Variants in AMTN observed in about 807,000 individuals in gnomAD.
AMTN encodes amelotin.
Under a neutral mutation model 27.4 loss-of-function variants are expected in AMTN, and 29 were observed. The observed-to-expected ratio is 1.06, with a 90% CI of 0.79 to 1.44. The LOEUF is 1.44. AMTN is among the 40% of genes most tolerant of loss of function. The probability of loss-of-function intolerance (pLI) is 0.00; values close to 1 mark genes in which losing one functional copy is unlikely to be tolerated. For missense variants in AMTN, 247 were observed against 248.8 expected, an observed-to-expected ratio of 0.99 and a Z score of 0.05; for synonymous variants, 86 against 95.7, an observed-to-expected ratio of 0.90 and a Z score of 0.59.
At chr4:70,524,440 T>A (rs1028035616) in intron 4 of AMTN, among the ~76,000 whole-genome samples, 1 of 152,186 alleles carries the variant, frequency 6.6e-6, no homozygotes, top group Non-Finnish European at 1.5e-5. Context: ...GTGGTCAAAT[T>A]TAAATATAGC....
At chr4:70,525,105 A>G (rs73826539) in intron 5 of AMTN, 144 bp downstream of exon 5, 11,998 of 691,994 alleles carry the variant, frequency 0.017, 811 homozygotes, top group African/African-American at 0.16. Context: ...ATAGACCAGT[A>G]TTTGACAATC....
rs1236826329 is a variant in AMTN at position 70,527,153 on chromosome 4, C to T, written c.295-1570C>T. Among the ~76,000 whole-genome samples the T allele has an allele frequency of 3.3e-5, 5 of 152,308 alleles. No individual in the cohort carries two copies. The East Asian group carries it at 9.6e-4, about 29-fold the overall frequency. On this transcript the variant is annotated intron_variant, in intron 5 of 8. Coordinates refer to ENST00000339336, the MANE Select transcript of AMTN (RefSeq NM_212557.4). ...AAAATGGGCATTAAAGTAGAACCTTCCTCTACAGCTGTTGCAAAGATCAAA... is the reference window on the plus strand; with the variant it reads ...AAAATGGGCATTAAAGTAGAACCTTTCTCTACAGCTGTTGCAAAGATCAAA...
intron 3 of AMTN, among the ~76,000 whole-genome samples, chr4:70,523,177 G>T (rs1022703536): frequency 6.6e-6 from 1 of 152,158 alleles, no homozygotes; most frequent in African/African-American, 2.4e-5. Context: ...AGGTACTGTG[G>T]CATTATCATA....
At chr4:70,527,212 C>G (rs1484582522) in intron 5 of AMTN, among the ~76,000 whole-genome samples, 2 of 152,182 alleles carry the variant, frequency 1.3e-5, no homozygotes, top group African/African-American at 4.8e-5. Flanking sequence ...TAAAACAATG[C>G]CTACCACATA....
chr4:70,521,117 C>T (rs1310797275), intron 2 of AMTN, among the ~76,000 whole-genome samples: 4 of 152,076 alleles, frequency 2.6e-5, no homozygotes, highest in South Asian at 2.1e-4. Context: ...CGGTGGCTAA[C>T]GCCCGTAATC....
Position 70,527,825 on chromosome 4 carries a change from C to T in AMTN, c.295-898C>T, listed in dbSNP as rs1736130922. On this transcript the variant is annotated intron_variant, in intron 5 of 8. Coordinates refer to ENST00000339336, the MANE Select transcript of AMTN (RefSeq NM_212557.4). ...TATGGGAGAATGCCAACACCTCACT[C>T]GAATCTTTTTCATCTTTTTGTGAAC... Among the ~76,000 whole-genome samples the T allele has an allele frequency of 2.6e-5, 4 of 152,092 alleles. No individual in the cohort carries two copies. In the South Asian group the frequency reaches 8.3e-4, roughly 32 times the overall value.
intron 7 of AMTN, 50 bp from the exon 8 acceptor site, chr4:70,530,989 G>C (rs748532879): frequency 2.7e-5 from 44 of 1,601,984 alleles, no homozygotes; most frequent in Non-Finnish European, 3.7e-5. Flanking sequence ...AAAGAGAAAA[G>C]AAAATGTGTT....
At chr4:70,519,311 C>G (rs1001174845) in intron 2 of AMTN, among the ~76,000 whole-genome samples, 1 of 151,986 alleles carries the variant, frequency 6.6e-6, no homozygotes, top group Non-Finnish European at 1.5e-5. Flanking sequence ...AAATTTTTGA[C>G]TTAGAACATT....
At position 70,523,718 on chromosome 4, in the gene AMTN, T is replaced by C. The variant is rs1402033133; in HGVS notation, c.139-150T>C. 1.7e-5 allele frequency: 11 copies of C among 658,494 alleles called. 1 individual carries two copies. Among genetic ancestry groups the C allele is most frequent in the South Asian group, 1.4e-4 (7 of 48,450 alleles). The allele number at this position is 658,494 out of a possible 1,614,324, so 40.8% of individuals were successfully genotyped here. A position where few individuals can be genotyped will look rare whatever the true frequency, so the allele number is the denominator to read the frequency against. On this transcript the variant is annotated intron_variant, in intron 3 of 8. Transcript: ENST00000339336. ...CCCAGGGCCACAAAGGGAGCAATGC[T>C]AGTGAGAGGCCCCGAGGCTTCATCT...
In AMTN at chr4:70,518,655, G is replaced by A. The variant is rs890126734; in HGVS notation, c.-16+1G>A. The A allele has an allele frequency of 5.1e-6, 4 of 783,790 alleles. No individual in the cohort carries two copies. Among genetic ancestry groups the A allele is most frequent in the African/African-American group, 1.7e-5 (1 of 57,532 alleles). The allele number at this position is 783,790 out of a possible 1,614,324, so 48.6% of individuals were successfully genotyped here. On this transcript the variant is annotated splice_donor_variant, in intron 1 of 8. Transcript: ENST00000339336. LOFTEE classifies it low-confidence loss of function (5UTR_SPLICE). ...TACATTTTGCCTCGTGGACCCAAAG[G>A]TAACATTAATTGACCATGTTTCAAG... is the stretch of plus-strand genomic sequence containing the variant.
rs766299141 is a variant in AMTN at position 70,529,181 on chromosome 4, T to C, written c.331-3T>C. The stretch of plus-strand genomic sequence containing the variant: ...CAAATTGTGTTTGTCATTTTGCTTT[T>C]AGGGCACTATCCTAAGCTCAGAGGA... On this transcript the variant is annotated splice_region_variant and splice_polypyrimidine_tract_variant and intron_variant, in intron 6 of 8. Coordinates refer to ENST00000339336, the MANE Select transcript of AMTN (RefSeq NM_212557.4). 1 of 1,559,098 alleles carries C rather than the reference T, an allele frequency of 6.4e-7. No individual in the cohort carries two copies. Among genetic ancestry groups the C allele is most frequent in the Non-Finnish European group, 8.6e-7 (1 of 1,158,436 alleles).
chr4:70,524,018 G>A (rs940046730), intron 4 of AMTN, 85 bp downstream of exon 4: 33 of 1,101,896 alleles, frequency 3.0e-5, no homozygotes, highest in African/African-American at 6.3e-5. Context: ...ATGTATATGG[G>A]TGCGTATATC....
chr4:70,528,223 T>A (rs552071360), intron 5 of AMTN, among the ~76,000 whole-genome samples: 1 of 79,902 alleles, frequency 1.3e-5, no homozygotes, highest in East Asian at 2.3e-4. Context: ...GGTTTCTAAA[T>A]CTCTTGGGAC....
chr4:70,528,639 G>A, intron 5 of AMTN, 84 bp from the exon 6 acceptor site: 2 of 1,231,968 alleles, frequency 1.6e-6, no homozygotes, highest in Non-Finnish European at 2.3e-6. Flanking sequence ...AACAGAGCAA[G>A]ACTCCATCTC....
chr4:70,530,476 T>C (rs2109775310), intron 7 of AMTN, among the ~76,000 whole-genome samples: 1 of 152,314 alleles, frequency 6.6e-6, no homozygotes, highest in Admixed American at 6.5e-5. Context: ...CTTCATTCCT[T>C]GCCCAGCAAA....
chr4:70,529,318 C>A, intron 7 of AMTN, 108 bp downstream of exon 7: 1 of 707,644 alleles, frequency 1.4e-6, no homozygotes, highest in Non-Finnish European at 2.1e-6. Context: ...GTATGTACTA[C>A]AATGAACTGA....
At chr4:70,531,555 C>A (rs1041216978) in intron 8 of AMTN, among the ~76,000 whole-genome samples, 3 of 152,134 alleles carry the variant, frequency 2.0e-5, no homozygotes, top group African/African-American at 7.2e-5. Context: ...CTCTGTTGCC[C>A]GGGCTGGAGT....
intron 7 of AMTN, among the ~76,000 whole-genome samples, chr4:70,529,868 A>G (rs374209778): frequency 6.6e-5 from 10 of 152,314 alleles, no homozygotes; most frequent in African/African-American, 2.2e-4. Context: ...GATATTTTCT[A>G]TATTGTCCAT....
intron 5 of AMTN, among the ~76,000 whole-genome samples, chr4:70,526,588 C>A (rs28670765): frequency 6.6e-6 from 1 of 152,110 alleles, no homozygotes; most frequent in South Asian, 2.1e-4. Context: ...ATTTAAGATG[C>A]AAATAAAAAG....
Sources: gnomAD v4.1 joint callset for allele counts (sites outside exome capture counted in the v4.1 genomes callset) on GRCh38, gnomAD v4.1.1 for gene constraint, MANE v1.5 for transcripts, NCBI Gene and HGNC (gene_info 2026-07-23, HGNC 2026-07-21) for gene names.